ADAMTS18: variants seen among roughly 807,000 people sequenced by gnomAD.
The protein encoded by ADAMTS18 is A disintegrin and metalloproteinase with thrombospondin motifs 18.
ADAMTS18 carries 157 observed loss-of-function variants against 165.9 expected under a neutral mutation model. The ratio of observed to expected loss-of-function variants is 0.95; its 90% CI spans 0.83 to 1.08. The LOEUF is 1.08. Among genes scored for constraint, ADAMTS18 ranks in the 50% least tolerant of loss-of-function variants. The pLI is 0.00. For synonymous variants in ADAMTS18, 782 were observed against 578.2 expected (o/e 1.35, Z -5.06); for missense variants, 2,040 against 1,534.0 (o/e 1.33, Z -5.51).
At chr16:77,427,570 C>A (rs2144860665) in intron 3 of ADAMTS18, among the ~76,000 whole-genome samples, 1 of 152,308 alleles carries the variant, frequency 6.6e-6, no homozygotes, top group South Asian at 2.1e-4. Context: ...CAAATCCTAG[C>A]ACCTTCACAG....
chr16:77,314,992 A>T (rs1187736945), intron 16 of ADAMTS18, among the ~76,000 whole-genome samples: 1 of 151,134 alleles, frequency 6.6e-6, no homozygotes, highest in Non-Finnish European at 1.5e-5. Context: ...GCTAGTTAAG[A>T]GTCTGTACTC....
At chr16:77,392,958 A>G (rs2057208974) in intron 3 of ADAMTS18, among the ~76,000 whole-genome samples, 1 of 152,158 alleles carries the variant, frequency 6.6e-6, no homozygotes, top group African/African-American at 2.4e-5. Context: ...AGCTCATGGT[A>G]TCTGAAAAAG....
intron 16 of ADAMTS18, among the ~76,000 whole-genome samples, chr16:77,308,118 T>G (rs905490830): frequency 6.6e-6 from 1 of 152,124 alleles, no homozygotes; most frequent in Non-Finnish European, 1.5e-5. Context: ...ACACTAGGAA[T>G]GGGCTTTCAA....
At position 77,321,423 on chromosome 16, in the gene ADAMTS18, G is replaced by T. The variant is rs1180616604; in HGVS notation, c.2164-221C>A. 5.3e-5 allele frequency among the ~76,000 whole-genome samples: 8 copies of T among 152,126 alleles called. 1 individual carries two copies. Among genetic ancestry groups the T allele is most frequent in the Admixed American group, 3.3e-4 (5 of 15,274 alleles). On this transcript the variant is annotated intron_variant, in intron 14 of 22. Transcript: ENST00000282849. ...AGTTGTATAACTCATCTAAGGCTTA[G>T]ACTCTTCATCAATGAAACTGGAATA...
At chr16:77,296,698 T>A (rs2055479384) in intron 18 of ADAMTS18, among the ~76,000 whole-genome samples, 1 of 152,172 alleles carries the variant, frequency 6.6e-6, no homozygotes, top group Non-Finnish European at 1.5e-5. Flanking sequence ...CGTGCACCTG[T>A]AATCCCAGCT....
chr16:77,431,223 T>C, intron 3 of ADAMTS18, 72 bp downstream of exon 3: 5 of 1,531,196 alleles, frequency 3.3e-6, no homozygotes, highest in Non-Finnish European at 4.5e-6. Flanking sequence ...GCATTTATAT[T>C]GCAGACATCT....
In ADAMTS18 at chr16:77,282,925, T is replaced by TTTTTTTTTC. The variant is rs4038556; in HGVS notation, c.*1030_*1031insGAAAAAAAA. ...TTCTCTCTTTTTTTTTTTTTTTTTT[T>TTTTTTTTTC]TGCTGTTAGCTCAATCCTAGGGCAA... On this transcript the variant is annotated 3_prime_UTR_variant, in exon 23 of 23. Transcript: ENST00000282849. The TTTTTTTTTC allele has an allele frequency of 4.8e-5, 6 of 125,474 alleles. No homozygotes were observed. Among genetic ancestry groups the TTTTTTTTTC allele is most frequent in the Non-Finnish European group, 8.8e-5 (5 of 56,648 alleles). 7.8% of individuals were successfully genotyped at this position (125,474 alleles called of 1,614,324 possible). A position where few individuals can be genotyped will look rare whatever the true frequency, so the allele number is the denominator to read the frequency against.
rs1351054918 is a variant in ADAMTS18 at position 77,434,669 on chromosome 16, A to C, written c.27T>G (p.Cys9Trp). Reference sequence around the variant, plus strand: ...GGCCCGAACCCGCAGCCGGGAAGGCACACGCGAGCAGGAGGGCGCACTCCA... The same window carrying C: ...GGCCCGAACCCGCAGCCGGGAAGGCCCACGCGAGCAGGAGGGCGCACTCCA... MECALLLACAFPAAGSGPP... is the reference protein window; with the variant it reads MECALLLAWAFPAAGSGPP... Residue 9 changes from cysteine (C) to tryptophan (W), a missense_variant, in exon 1 of 23, where the codon TGT becomes TGG. Transcript: ENST00000282849. The C allele has an allele frequency of 2.7e-6, 4 of 1,479,106 alleles. No individual in the cohort carries two copies. The highest frequency in any genetic ancestry group is 3.6e-6 in the Non-Finnish European group (4 of 1,121,808). 91.6% of individuals were successfully genotyped at this position (1,479,106 alleles called of 1,614,324 possible).
At chr16:77,383,516 T>C (rs1311704362) in intron 3 of ADAMTS18, among the ~76,000 whole-genome samples, 1 of 151,588 alleles carries the variant, frequency 6.6e-6, no homozygotes, top group Non-Finnish European at 1.5e-5. Context: ...TCTCACTTCA[T>C]GTAGGTTTTT....
chr16:77,303,375 G>A (rs576012770), intron 16 of ADAMTS18, among the ~76,000 whole-genome samples: 4 of 152,308 alleles, frequency 2.6e-5, no homozygotes, highest in South Asian at 4.1e-4. Flanking sequence ...ATGCTTAAGA[G>A]TATATCAATG....
chr16:77,392,953 A>T (rs913608151), intron 3 of ADAMTS18, among the ~76,000 whole-genome samples: 9 of 152,126 alleles, frequency 5.9e-5, no homozygotes, highest in Non-Finnish European at 8.8e-5. Flanking sequence ...TGGAGAGCTC[A>T]TGGTATCTGA....
chr16:77,315,873 A>T (rs2055877740), intron 16 of ADAMTS18, among the ~76,000 whole-genome samples: 1 of 152,186 alleles, frequency 6.6e-6, no homozygotes, highest in African/African-American at 2.4e-5. Flanking sequence ...TCAACCGCCT[A>T]CTTGACAGCT....
At chr16:77,402,282 T>G (rs1158795617) in intron 3 of ADAMTS18, among the ~76,000 whole-genome samples, 1 of 152,220 alleles carries the variant, frequency 6.6e-6, no homozygotes, top group Non-Finnish European at 1.5e-5. Context: ...CATCACTTGC[T>G]TCCTGCCCAG....
chr16:77,407,592 A>C (rs1409732243), intron 3 of ADAMTS18, among the ~76,000 whole-genome samples: 1 of 152,118 alleles, frequency 6.6e-6, no homozygotes, highest in Non-Finnish European at 1.5e-5. Context: ...ATTAGAATAA[A>C]GACTTTTTTA....
rs1009738948 is a variant in ADAMTS18 at position 77,434,721 on chromosome 16, G to C, written c.-26C>G. 7.7e-6 allele frequency: 11 copies of C among 1,421,350 alleles called. No homozygotes were observed. The African/African-American group carries it at 1.3e-4, about 17-fold the overall frequency. The allele number at this position is 1,421,350 out of a possible 1,614,324, so 88.0% of individuals were successfully genotyped here. A position where few individuals can be genotyped will look rare whatever the true frequency, so the allele number is the denominator to read the frequency against. ...GGTCAGGTGCGGACGCGGCGGCTGC[G>C]GGTGGCCAGACGCGGCAGGCGGAGC... On this transcript the variant is annotated 5_prime_UTR_variant, in exon 1 of 23. Coordinates refer to ENST00000282849, the MANE Select transcript of ADAMTS18 (RefSeq NM_199355.4).
chr16:77,348,832 C>A (rs1316858817), intron 10 of ADAMTS18, among the ~76,000 whole-genome samples: 1 of 152,000 alleles, frequency 6.6e-6, no homozygotes, highest in East Asian at 1.9e-4. Context: ...TTAAATCTCC[C>A]TGAGGAAATA....
intron 13 of ADAMTS18, among the ~76,000 whole-genome samples, chr16:77,322,877 C>T (rs1237207174): frequency 6.6e-6 from 1 of 151,980 alleles, no homozygotes; most frequent in Non-Finnish European, 1.5e-5. Context: ...GGCCAGCAGC[C>T]CATAGTTTGA....
At chr16:77,356,429 A>T (rs80216458) in intron 8 of ADAMTS18, among the ~76,000 whole-genome samples, 23,386 of 152,116 alleles carry the variant, frequency 0.15, 2,048 homozygotes, top group East Asian at 0.27. Flanking sequence ...TAGAATTCTT[A>T]TCTTGTCACC....
At chr16:77,305,589 T>G (rs1321024842) in intron 16 of ADAMTS18, among the ~76,000 whole-genome samples, 1 of 152,196 alleles carries the variant, frequency 6.6e-6, no homozygotes, top group African/African-American at 2.4e-5. Flanking sequence ...ATCCAGGTTT[T>G]CTCACCTGGA....
Sources: allele counts gnomAD v4.1 joint callset (sites outside exome capture counted in the v4.1 genomes callset), GRCh38; gene constraint gnomAD v4.1.1; transcripts MANE v1.5; gene names NCBI Gene and HGNC (gene_info 2026-07-23, HGNC 2026-07-21).